EGF: variants seen among roughly 807,000 people sequenced by gnomAD.
The protein encoded by EGF is epidermal growth factor, also known as pro-epidermal growth factor.
EGF carries 95 observed loss-of-function variants against 143.8 expected under a neutral mutation model. The ratio of observed to expected loss-of-function variants is 0.66; its 90% CI spans 0.56 to 0.78. EGF has a LOEUF of 0.78. Ranked by LOEUF, EGF falls within the 30% of genes least tolerant of loss-of-function variation. The probability of loss-of-function intolerance (pLI) is 0.00; values close to 1 mark genes in which losing one functional copy is unlikely to be tolerated. For synonymous variants in EGF, 510 were observed against 510.5 expected (o/e 1.00, Z 0.01); for missense variants, 1,320 against 1,470.9 (o/e 0.90, Z 1.68).
In EGF at chr4:109,940,979, A is replaced by T; in HGVS notation, c.161A>T (p.Asn54Ile). The T allele has an allele frequency of 6.2e-7, 1 of 1,614,104 alleles. No homozygotes were observed. The stretch of plus-strand genomic sequence containing the variant: ...CCCTTCTTAATTTTCTCCCATGGAA[A>T]TAGTATCTTTAGGATTGACACAGAA... ...PAPFLIFSHG[N>I]SIFRIDTEGT... Residue 54 changes from asparagine to isoleucine, a missense_variant, in exon 2 of 24, where the codon AAT becomes ATT. Around this residue, in one of 5 missense-constraint regions of EGF, gnomAD observed 79 missense variants for 71.2 expected, o/e 1.11. Transcript: ENST00000265171.
intron 7 of EGF, 25 bp downstream of exon 7, chr4:109,961,014 T>C (rs758603291): frequency 1.9e-6 from 3 of 1,613,178 alleles, no homozygotes; most frequent in Non-Finnish European, 2.5e-6. Context: ...CAAGTATTTA[T>C]TGCATTAGTT....
intron 21 of EGF, among the ~76,000 whole-genome samples, chr4:110,001,291 T>C (rs1354423113): frequency 2.0e-5 from 3 of 152,222 alleles, no homozygotes; most frequent in African/African-American, 7.2e-5. Flanking sequence ...ATAAATGCTA[T>C]CTGTTATTTT....
At chr4:110,005,036 CTTT>C (rs538062029) in intron 22 of EGF, among the ~76,000 whole-genome samples, 2 of 80,698 alleles carry the variant, frequency 2.5e-5, no homozygotes, top group African/African-American at 8.8e-5. Flanking sequence ...TTTTCTCTGT[CTTT>C]TTTTTTTTTT....
chr4:109,983,446 A>G lies in EGF; in HGVS notation c.2396A>G (p.Gln799Arg). The G allele has an allele frequency of 6.2e-7, 1 of 1,613,736 alleles. No individual in the cohort carries two copies. The highest frequency in any genetic ancestry group is 8.5e-7 in the Non-Finnish European group (1 of 1,179,800). Residue 799 changes from glutamine (Q) to arginine (R), a missense_variant, in exon 16 of 24, where the codon CAA (glutamine) becomes CGA (arginine). By Grantham distance (43) the Gln-to-Arg change is conservative (BLOSUM62 1). This residue lies in a region of EGF where 1,186 missense variants were observed against 1,313.7 expected (regional missense o/e 0.90). Transcript: ENST00000265171. ...LAGGEVDLKN[Q>R]VTPLDILSKT... ...GGTGGTGAAGTTGATCTAAAGAACC[A>G]AGTAACACCATTGGACATCTTGTCC... is the stretch of plus-strand genomic sequence containing the variant.
chr4:109,961,824 G>T lies in EGF; in HGVS notation c.1190-39G>T, dbSNP rs11568941. On this transcript the variant is annotated intron_variant, in intron 7 of 23. Coordinates refer to ENST00000265171, the MANE Select transcript of EGF (RefSeq NM_001963.6). ...GATTGCAATAAATTTTTGCAAACCC[G>T]ATTTAACACTAATCTTGACCTTGTT... 24,017 of 1,611,064 alleles carry T rather than the reference G, an allele frequency of 0.015. 2,270 individuals are homozygous for T. In the East Asian group the frequency reaches 0.23, roughly 16 times the overall value.
Position 109,941,089 on chromosome 4 carries a change from G to A in EGF, c.271G>A (p.Val91Met). The A allele has an allele frequency of 6.2e-7, 1 of 1,613,998 alleles. No individual in the cohort carries two copies. Residue 91 changes from valine to methionine, a missense_variant, in exon 2 of 24, where the codon GTG (valine) becomes ATG (methionine). Physicochemically the swap from Val to Met is conservative, Grantham distance 21. This residue lies in a region of EGF where 41 missense variants were observed against 38.1 expected (regional missense o/e 1.07). Coordinates refer to ENST00000265171, the MANE Select transcript of EGF (RefSeq NM_001963.6). ...TTATAATGAGAAAAGAATCTATTGG[G>A]TGGATTTAGAAAGACAACTTTTGCA... ...FHYNEKRIYWVDLERQLLQRV... is the reference protein window; with the variant it reads ...FHYNEKRIYWMDLERQLLQRV...
intron 13 of EGF, among the ~76,000 whole-genome samples, chr4:109,978,216 T>C (rs1246387770): frequency 6.6e-6 from 1 of 152,210 alleles, no homozygotes; most frequent in African/African-American, 2.4e-5. Context: ...TTGGCTAGAT[T>C]CAGCCATTCC....
chr4:109,951,956 C>T (rs1341157278), intron 5 of EGF, among the ~76,000 whole-genome samples: 2 of 152,050 alleles, frequency 1.3e-5, no homozygotes, highest in African/African-American at 4.8e-5. Flanking sequence ...TTACATTTTT[C>T]TTTAATGTTT....
intron 21 of EGF, among the ~76,000 whole-genome samples, chr4:110,003,187 G>C (rs1417406045): frequency 6.6e-6 from 1 of 152,144 alleles, no homozygotes. Flanking sequence ...CCCAGTAATG[G>C]AATTGCTGGG....
intron 1 of EGF, among the ~76,000 whole-genome samples, chr4:109,928,613 C>G (rs6823639): frequency 6.6e-6 from 1 of 152,030 alleles, no homozygotes; most frequent in Non-Finnish European, 1.5e-5. Context: ...ATTTTCCCAA[C>G]GAGAGACAGC....
intron 2 of EGF, 98 bp downstream of exon 2, chr4:109,941,243 A>G (rs981756372): frequency 4.4e-6 from 5 of 1,142,418 alleles, no homozygotes; most frequent in Non-Finnish European, 6.4e-6. Context: ...AAAATTATAT[A>G]ACAGTTCAAA....
chr4:109,944,102 T>C, intron 4 of EGF, 33 bp downstream of exon 4: 1 of 1,599,130 alleles, frequency 6.3e-7, no homozygotes, highest in South Asian at 1.1e-5. Flanking sequence ...AATAAAACAA[T>C]TGTCATTTGA....
intron 15 of EGF, among the ~76,000 whole-genome samples, chr4:109,983,152 T>C (rs1749634036): frequency 6.6e-6 from 1 of 152,096 alleles, no homozygotes; most frequent in Non-Finnish European, 1.5e-5. Flanking sequence ...TTTACTCTTG[T>C]TTTTTGCCAG....
intron 1 of EGF, among the ~76,000 whole-genome samples, chr4:109,920,415 C>G (rs1737559310): frequency 6.6e-6 from 1 of 151,568 alleles, no homozygotes; most frequent in African/African-American, 2.4e-5. Context: ...AAACAAATCA[C>G]TTTATCTCAC....
intron 10 of EGF, 114 bp downstream of exon 10, chr4:109,964,651 T>G: frequency 1.4e-6 from 2 of 1,437,260 alleles, no homozygotes; most frequent in Non-Finnish European, 1.9e-6. Flanking sequence ...TCTGAATGAT[T>G]AGGCACAGAA....
At chr4:110,010,276 A>G (rs971004737) in intron 23 of EGF, among the ~76,000 whole-genome samples, 3 of 152,186 alleles carry the variant, frequency 2.0e-5, no homozygotes, top group South Asian at 4.2e-4. Context: ...TCTCAAAAAC[A>G]AAAAACAAAA....
At chr4:109,963,141 G>A (rs767773811) in intron 8 of EGF, 32 bp from the exon 9 acceptor site, 34 of 1,611,228 alleles carry the variant, frequency 2.1e-5, no homozygotes, top group Non-Finnish European at 2.5e-5. Context: ...TTTGGATGAC[G>A]TAGCATCATT....
chr4:110,011,531 A>G lies in EGF; in HGVS notation c.*76A>G. ...GTATCTTTTCTTTCAAAAGTAGAGC[A>G]AAACTATAGGTTTTGGTTCCACAAT... On this transcript the variant is annotated 3_prime_UTR_variant, in exon 24 of 24. Coordinates refer to ENST00000265171, the MANE Select transcript of EGF (RefSeq NM_001963.6). The G allele has an allele frequency of 2.5e-6, 4 of 1,609,822 alleles. No homozygotes were observed. The highest frequency in any genetic ancestry group is 3.4e-6 in the Non-Finnish European group (4 of 1,178,372).
intron 5 of EGF, among the ~76,000 whole-genome samples, chr4:109,952,549 TA>T (rs1208110945): frequency 2.6e-5 from 4 of 152,228 alleles, no homozygotes; most frequent in African/African-American, 7.2e-5. Flanking sequence ...AAATCTTGGT[TA>T]TTTTGAAACC....
Sources: allele counts gnomAD v4.1 joint callset (sites outside exome capture counted in the v4.1 genomes callset), GRCh38; gene constraint gnomAD v4.1.1; regional missense constraint gnomAD v4.1.1; transcripts MANE v1.5; gene names NCBI Gene and HGNC (gene_info 2026-07-23, HGNC 2026-07-21).